The following RCN1 variants were observed in gnomAD, a reference collection of about 807,000 sequenced individuals.
RCN1 encodes reticulocalbin 1.
Under a neutral mutation model 34.7 loss-of-function variants are expected in RCN1, and 14 were observed. The observed-to-expected ratio is 0.40, with a 90% CI of 0.27 to 0.63. The LOEUF is 0.63. Ranked by LOEUF, RCN1 falls within the 30% of genes least tolerant of loss-of-function variation. RCN1 has a pLI of 0.37. For synonymous variants in RCN1, 125 were observed against 165.5 expected, an observed-to-expected ratio of 0.76 and a Z score of 1.88; for missense variants, 326 against 425.1, an observed-to-expected ratio of 0.77 and a Z score of 2.05.
At chr11:32,095,397 T>A (rs181981255) in intron 1 of RCN1, among the ~76,000 whole-genome samples, 1 of 151,452 alleles carries the variant, frequency 6.6e-6, no homozygotes, top group East Asian at 2.0e-4. Context: ...CAGGCATGCA[T>A]CACCATTCCT....
intron 4 of RCN1, 75 bp downstream of exon 4, chr11:32,100,683 T>A: frequency 8.6e-7 from 1 of 1,167,002 alleles, no homozygotes; most frequent in Non-Finnish European, 1.3e-6. Flanking sequence ...CTGGCTACTT[T>A]CCCCAGACGT....
intron 1 of RCN1, chr11:32,096,940 T>TG (rs1851977704): frequency 2.0e-6 from 1 of 508,892 alleles, no homozygotes; most frequent in Non-Finnish European, 3.4e-6. Flanking sequence ...CAGCACTGGT[T>TG]GGGGGAAAGC....
intron 3 of RCN1, 46 bp from the exon 4 acceptor site, chr11:32,100,502 A>T: frequency 6.8e-7 from 1 of 1,477,952 alleles, no homozygotes; most frequent in Non-Finnish European, 9.5e-7. Flanking sequence ...CAGACTTCTT[A>T]GAGCACATGG....
intron 2 of RCN1, among the ~76,000 whole-genome samples, chr11:32,097,885 G>A (rs547671768): frequency 6.6e-5 from 10 of 152,252 alleles, no homozygotes; most frequent in African/African-American, 2.2e-4. Flanking sequence ...ACAGAGGCAC[G>A]GGGTGCAGAC....
rs1852098319 is a variant in RCN1 at position 32,105,321 on chromosome 11, G to A, written c.*849G>A. 6.2e-6 allele frequency: 1 copy of A among 160,622 alleles called. No individual in the cohort carries two copies. The highest frequency in any genetic ancestry group is 2.4e-5 in the African/African-American group (1 of 41,432). 9.9% of individuals were successfully genotyped at this position (160,622 alleles called of 1,614,324 possible). ...ATTAGAATGAGTTGGTGGGATCCTT[G>A]GGAAGCCAAACGGAGCGGAGTTCTG... On this transcript the variant is annotated 3_prime_UTR_variant, in exon 6 of 6. Transcript: ENST00000054950.
intron 4 of RCN1, chr11:32,102,062 C>G (rs897848720): frequency 6.6e-6 from 1 of 151,954 alleles, no homozygotes; most frequent in Non-Finnish European, 1.5e-5. Flanking sequence ...TAGTGACTCA[C>G]AGGCAGAGGA....
At chr11:32,104,061 G>C (rs1340465713) in intron 5 of RCN1, among the ~76,000 whole-genome samples, 1 of 152,206 alleles carries the variant, frequency 6.6e-6, no homozygotes, top group Non-Finnish European at 1.5e-5. Flanking sequence ...GCTGTAAGAG[G>C]AAAGTGGCAT....
intron 1 of RCN1, among the ~76,000 whole-genome samples, chr11:32,093,840 G>A (rs967185913): frequency 1.3e-5 from 2 of 152,218 alleles, no homozygotes; most frequent in Admixed American, 6.5e-5. Context: ...TCAAGGCACA[G>A]ACTAGACCAG....
intron 1 of RCN1, chr11:32,091,928 G>C (rs1337015855): frequency 6.1e-6 from 1 of 162,736 alleles, no homozygotes; most frequent in Non-Finnish European, 1.3e-5. Context: ...AAGATGAAGG[G>C]GCAGGCGAGC....
chr11:32,102,206 T>C (rs1230965720), intron 4 of RCN1: 1 of 152,022 alleles, frequency 6.6e-6, no homozygotes, highest in Non-Finnish European at 1.5e-5. Context: ...ACCAATTAGC[T>C]GTGTGACCCT....
At chr11:32,096,427 G>A (rs1851973680) in intron 1 of RCN1, 2 of 152,140 alleles carry the variant, frequency 1.3e-5, no homozygotes, top group Non-Finnish European at 2.9e-5. Flanking sequence ...GCTGGTATAG[G>A]AGTCTTTACC....
chr11:32,104,320 A>G (rs1336026045), intron 5 of RCN1, 45 bp from the exon 6 acceptor site: 7 of 1,114,896 alleles, frequency 6.3e-6, no homozygotes, highest in Non-Finnish European at 9.6e-6. Flanking sequence ...GAACTAGTAC[A>G]GTTACCAGAG....
Position 32,105,164 on chromosome 11 carries a change from G to GC in RCN1, c.*692_*693insC, listed in dbSNP as rs776693255. 4.8e-5 allele frequency: 8 copies of GC among 167,120 alleles called. No homozygotes were observed. Among genetic ancestry groups the GC allele is most frequent in the Non-Finnish European group, 1.2e-4 (8 of 68,140 alleles). 10.4% of individuals were successfully genotyped at this position (167,120 alleles called of 1,614,324 possible). A position where few individuals can be genotyped will look rare whatever the true frequency, so the allele number is the denominator to read the frequency against. On this transcript the variant is annotated 3_prime_UTR_variant, in exon 6 of 6. Coordinates refer to ENST00000054950, the MANE Select transcript of RCN1 (RefSeq NM_002901.4). ...AGAGGTAGGGAAAAGATGAATGTCA[G>GC]ACATTTGAAGAACTATAGTAAAATG...
In RCN1 at chr11:32,091,664, C is replaced by A. The variant is rs537294360; in HGVS notation, c.254+214C>A. 5 of 559,590 alleles carry A rather than the reference C, an allele frequency of 8.9e-6. No individual in the cohort carries two copies. The East Asian group carries it at 1.5e-4, about 17-fold the overall frequency. 34.7% of individuals were successfully genotyped at this position (559,590 alleles called of 1,614,324 possible). A position where few individuals can be genotyped will look rare whatever the true frequency, so the allele number is the denominator to read the frequency against. On this transcript the variant is annotated intron_variant, in intron 1 of 5. Transcript: ENST00000054950. ...GAGATCGCCGCCGCCGCGCCCCGGC[C>A]GGGGTGGTTTCTCGCGGGGAGGCGA...
intron 4 of RCN1, 136 bp downstream of exon 4, chr11:32,100,744 C>A: frequency 1.6e-6 from 1 of 636,768 alleles, no homozygotes; most frequent in Non-Finnish European, 2.8e-6. Flanking sequence ...GAGCTTCCAG[C>A]CTGCTTGTCC....
chr11:32,097,005 T>C, intron 1 of RCN1, 139 bp from the exon 2 acceptor site: 1 of 634,336 alleles, frequency 1.6e-6, no homozygotes, highest in Non-Finnish European at 2.5e-6. Flanking sequence ...CTTGGATCAT[T>C]GATTCTGTTG....
At chr11:32,091,792 C>T (rs1021886907) in intron 1 of RCN1, 3 of 321,978 alleles carry the variant, frequency 9.3e-6, no homozygotes, top group African/African-American at 6.7e-5. Context: ...AGTTTGTCCA[C>T]AGTGGCCTGT....
In RCN1 at chr11:32,091,077, C is replaced by T. The variant is rs964641711; in HGVS notation, c.-120C>T. On this transcript the variant is annotated 5_prime_UTR_variant, in exon 1 of 6. Coordinates refer to ENST00000054950, the MANE Select transcript of RCN1 (RefSeq NM_002901.4). ...GGCACTGGCGGAGGGACTGGCCAGT[C>T]CCCTCCTCCGCGCCGGCCCCAACCC... 5.1e-6 allele frequency: 6 copies of T among 1,165,998 alleles called. No homozygotes were observed. Among genetic ancestry groups the T allele is most frequent in the Non-Finnish European group, 6.7e-6 (6 of 890,766 alleles). The allele number at this position is 1,165,998 out of a possible 1,614,324, so 72.2% of individuals were successfully genotyped here. A position where few individuals can be genotyped will look rare whatever the true frequency, so the allele number is the denominator to read the frequency against.
Position 32,098,485 on chromosome 11 carries a change from T to G in RCN1, c.584T>G (p.Leu195Arg), listed in dbSNP as rs748341776. 1.9e-6 allele frequency: 3 copies of G among 1,614,014 alleles called. No individual in the cohort carries two copies. The highest frequency in any genetic ancestry group is 4.5e-5 in the East Asian group (2 of 44,866). ...TATREEFTAF[L>R]HPEEFEHMKE... ...ACTCGGGAGGAGTTCACTGCCTTTC[T>G]GCATCCTGAAGAGTTTGAACATATG... The change falls in exon 3 of 6, where the codon CTG becomes CGG. Residue 195 changes from leucine (L) to arginine (R), a missense_variant. Physicochemically the swap from Leu to Arg is moderately radical, Grantham distance 102. Transcript: ENST00000054950.
Sources: gnomAD v4.1 joint callset for allele counts (sites outside exome capture counted in the v4.1 genomes callset) on GRCh38, gnomAD v4.1.1 for gene constraint, MANE v1.5 for transcripts, NCBI Gene and HGNC (gene_info 2026-07-23, HGNC 2026-07-21) for gene names.